Variants in AGBL1 observed in about 807,000 individuals in gnomAD.
AGBL1 encodes the protein cytosolic carboxypeptidase 4.
A neutral mutation model predicts 118.9 loss-of-function variants in AGBL1; 130 were observed. The observed-to-expected ratio is 1.09, with a 90% confidence interval of 0.95 to 1.26. The LOEUF (loss-of-function observed/expected upper bound fraction) is 1.26, where lower values mean the gene tolerates loss of function less well. Ranked by LOEUF, AGBL1 falls within the 50% of genes most tolerant of loss-of-function variation. The probability of loss-of-function intolerance (pLI) is 0.00; values close to 1 mark genes in which losing one functional copy is unlikely to be tolerated. For synonymous variants in AGBL1, 555 were observed against 478.9 expected (o/e 1.16, Z -2.08); for missense variants, 1,584 against 1,298.1 (o/e 1.22, Z -3.38).
intron 5 of AGBL1, among the ~76,000 whole-genome samples, chr15:86,186,680 G>C (rs565191281): frequency 6.6e-6 from 1 of 152,250 alleles, no homozygotes; most frequent in South Asian, 2.1e-4. Context: ...CTCACAGAGG[G>C]TATCATTACT....
intron 17 of AGBL1, among the ~76,000 whole-genome samples, chr15:86,368,601 A>G (rs2141938072): frequency 6.6e-6 from 1 of 152,300 alleles, no homozygotes; most frequent in Admixed American, 6.5e-5. Flanking sequence ...TCCTAGACAC[A>G]GTTAAAGAAG....
At chr15:86,262,530 A>C in intron 9 of AGBL1, 1 of 508,368 alleles carries the variant, frequency 2.0e-6, no homozygotes, top group Non-Finnish European at 3.6e-6. Flanking sequence ...ATTTTATACA[A>C]ATTTTTATTT....
At chr15:86,562,817 C>T (rs2083847092) in intron 21 of AGBL1, among the ~76,000 whole-genome samples, 2 of 152,224 alleles carry the variant, frequency 1.3e-5, no homozygotes, top group East Asian at 3.9e-4. Context: ...GCCTCAATTT[C>T]AGAGCCTGTT....
At chr15:86,774,116 G>A (rs1204965766) in intron 22 of AGBL1, among the ~76,000 whole-genome samples, 1 of 152,074 alleles carries the variant, frequency 6.6e-6, no homozygotes, top group Non-Finnish European at 1.5e-5. Context: ...CTGTGAGAGA[G>A]CTTCAAGTGG....
chr15:86,295,366 G>T lies in AGBL1; in HGVS notation c.2332G>T (p.Ala778Ser), dbSNP rs1283614487. ...TCCGTGTCCCTTGGTGACCATCACGGCCATGCCTGAGTCCAACAGTGATGA... is the reference window on the plus strand; with the variant it reads ...TCCGTGTCCCTTGGTGACCATCACGTCCATGCCTGAGTCCAACAGTGATGA... ...GNPCPLVTIT[A>S]MPESNSDEHL... Residue 778 changes from alanine to serine, a missense_variant, in exon 17 of 23, where the codon GCC becomes TCC. Coordinates refer to ENST00000614907, the MANE Select transcript of AGBL1 (RefSeq NM_001386094.1). 11 of 1,609,118 alleles carry T rather than the reference G, an allele frequency of 6.8e-6. No homozygotes were observed. The highest frequency in any genetic ancestry group is 1.7e-4 in the Middle Eastern group (1 of 6,046).
At chr15:86,113,094 A>T (rs1897495810) in intron 1 of AGBL1, among the ~76,000 whole-genome samples, 1 of 152,152 alleles carries the variant, frequency 6.6e-6, no homozygotes, top group Non-Finnish European at 1.5e-5. Context: ...TCTATCAGCA[A>T]TGGGACTGGG....
At chr15:86,196,545 T>A (rs2077805588) in intron 5 of AGBL1, among the ~76,000 whole-genome samples, 1 of 152,174 alleles carries the variant, frequency 6.6e-6, no homozygotes, top group Non-Finnish European at 1.5e-5. Context: ...TGAGCTCTCC[T>A]TTAAGCACCT....
At chr15:87,019,128 T>A (rs772996710) in intron 24 of AGBL1, among the ~76,000 whole-genome samples, 1 of 152,120 alleles carries the variant, frequency 6.6e-6, no homozygotes, top group Non-Finnish European at 1.5e-5. Flanking sequence ...AAGCAAGTTT[T>A]TAGAGACCTA....
intron 24 of AGBL1, among the ~76,000 whole-genome samples, chr15:87,012,192 T>TAC (rs57985975): frequency 0.35 from 49,951 of 142,418 alleles, 9,518 homozygotes; most frequent in Non-Finnish European, 0.45. Flanking sequence ...TACAAATTTA[T>TAC]ACACACACAC....
intron 5 of AGBL1, among the ~76,000 whole-genome samples, chr15:86,192,183 T>C (rs951779933): frequency 6.6e-5 from 10 of 151,072 alleles, no homozygotes; most frequent in East Asian, 5.8e-4. Flanking sequence ...CACACACACA[T>C]ATATAAAAAT....
At chr15:86,113,248 TTTTCTTTTC>T (rs1285904833) in intron 1 of AGBL1, among the ~76,000 whole-genome samples, 151 of 74,802 alleles carry the variant, frequency 2.0e-3, no homozygotes, top group African/African-American at 4.1e-3. Context: ...TTTTCTTTTC[TTTTCTTTTC>T]TTTCTTTCTT....
At chr15:86,136,216 A>G (rs919105730) in intron 1 of AGBL1, among the ~76,000 whole-genome samples, 1 of 152,360 alleles carries the variant, frequency 6.6e-6, no homozygotes, top group East Asian at 1.9e-4. Context: ...TTAAAAGGCC[A>G]TTGTTCTAAG....
At chr15:86,755,015 A>G (rs2077915162) in intron 22 of AGBL1, among the ~76,000 whole-genome samples, 1 of 152,162 alleles carries the variant, frequency 6.6e-6, no homozygotes, top group Non-Finnish European at 1.5e-5. Flanking sequence ...GAGATTTATC[A>G]GAAACCTTTC....
chr15:86,629,948 T>C (rs2084939835), intron 21 of AGBL1, among the ~76,000 whole-genome samples: 1 of 152,242 alleles, frequency 6.6e-6, no homozygotes, highest in Non-Finnish European at 1.5e-5. Flanking sequence ...TAGCATTACA[T>C]TAATAAATAT....
intron 1 of AGBL1, among the ~76,000 whole-genome samples, chr15:86,103,764 C>A (rs937456036): frequency 1.3e-5 from 2 of 152,186 alleles, no homozygotes; most frequent in Non-Finnish European, 2.9e-5. Context: ...GCATGCCTTT[C>A]CTTGGTCCTC....
intron 7 of AGBL1, among the ~76,000 whole-genome samples, chr15:86,251,876 A>G (rs941868866): frequency 4.6e-5 from 7 of 152,200 alleles, no homozygotes; most frequent in Non-Finnish European, 8.8e-5. Flanking sequence ...ATAATTATCA[A>G]TTTGGAGAAA....
At chr15:86,444,992 G>T (rs2082104937) in intron 18 of AGBL1, among the ~76,000 whole-genome samples, 1 of 152,132 alleles carries the variant, frequency 6.6e-6, no homozygotes, top group African/African-American at 2.4e-5. Context: ...TATCTGGTGG[G>T]GTGGGTGCTT....
intron 23 of AGBL1, among the ~76,000 whole-genome samples, chr15:86,929,416 C>T (rs145576947): frequency 6.5e-4 from 99 of 152,296 alleles, no homozygotes; most frequent in African/African-American, 1.5e-3. Flanking sequence ...GGGATAGCTA[C>T]GCCTCACAAT....
chr15:86,861,024 G>A (rs750713708), intron 22 of AGBL1, among the ~76,000 whole-genome samples: 4 of 152,084 alleles, frequency 2.6e-5, no homozygotes, highest in African/African-American at 9.7e-5. Context: ...CAAGTGATGG[G>A]CCTTCTTAAG....
Sources: gnomAD v4.1 joint callset for allele counts (sites outside exome capture counted in the v4.1 genomes callset) on GRCh38, gnomAD v4.1.1 for gene constraint, MANE v1.5 for transcripts, NCBI Gene and HGNC (gene_info 2026-07-23, HGNC 2026-07-21) for gene names.